The following DDI2 variants were observed in gnomAD, a reference collection of about 807,000 sequenced individuals.
DDI2 encodes protein DDI1 homolog 2.
A neutral mutation model predicts 48.1 loss-of-function variants in DDI2; 5 were observed. The ratio of observed to expected loss-of-function variants is 0.10; its 90% CI spans 0.05 to 0.22. The LOEUF (loss-of-function observed/expected upper bound fraction) is 0.22, where lower values mean the gene tolerates loss of function less well. Among genes scored for constraint, DDI2 ranks in the 10% least tolerant of loss-of-function variants. DDI2 has a pLI of 1.00. For missense variants in DDI2, 285 were observed against 506.2 expected (o/e 0.56, Z 4.19); for synonymous variants, 205 against 183.6 (o/e 1.12, Z -0.94).
intron 1 of DDI2, among the ~76,000 whole-genome samples, chr1:15,622,247 C>T (rs1464718270): frequency 6.9e-6 from 1 of 144,952 alleles, no homozygotes; most frequent in Non-Finnish European, 1.5e-5. Flanking sequence ...TAGGCTTGAA[C>T]TCCTAACCTC....
chr1:15,656,195 G>A (rs1640271564), intron 8 of DDI2, among the ~76,000 whole-genome samples: 1 of 152,094 alleles, frequency 6.6e-6, no homozygotes, highest in Non-Finnish European at 1.5e-5. Flanking sequence ...ATTTAATTAA[G>A]TGGTTTGTTT....
intron 4 of DDI2, among the ~76,000 whole-genome samples, chr1:15,635,440 CTG>C (rs1639912921): frequency 6.6e-6 from 1 of 152,172 alleles, no homozygotes; most frequent in Non-Finnish European, 1.5e-5. Context: ...GAGTCTTGCT[CTG>C]TCGCCCAGGC....
Position 15,626,654 on chromosome 1 carries a change from C to T in DDI2, c.139-15C>T. 1 of 1,614,140 alleles carries T rather than the reference C, an allele frequency of 6.2e-7. No homozygotes were observed. Among genetic ancestry groups the T allele is most frequent in the Non-Finnish European group, 8.5e-7 (1 of 1,180,002 alleles). On this transcript the variant is annotated splice_polypyrimidine_tract_variant and intron_variant, in intron 1 of 9. Coordinates refer to ENST00000480945, the MANE Select transcript of DDI2 (RefSeq NM_032341.5). The stretch of plus-strand genomic sequence containing the variant: ...CTCAGTGCTTTATACTGTTGTATAT[C>T]TTTTCTTGTTGTAGATCGTCTATGC...
At chr1:15,630,930 G>A (rs1403987493) in intron 3 of DDI2, among the ~76,000 whole-genome samples, 2 of 152,120 alleles carry the variant, frequency 1.3e-5, no homozygotes, top group African/African-American at 4.8e-5. Context: ...TGCCAGCTCC[G>A]CCTCCCGGGT....
In DDI2 at chr1:15,620,795, G is replaced by A. The variant is rs78841288; in HGVS notation, c.138+2987G>A. 7.7e-3 allele frequency among the ~76,000 whole-genome samples: 1,175 copies of A among 152,230 alleles called. 77 individuals carry two copies. The East Asian group carries it at 0.15, about 19-fold the overall frequency. On this transcript the variant is annotated intron_variant, in intron 1 of 9. Coordinates refer to ENST00000480945, the MANE Select transcript of DDI2 (RefSeq NM_032341.5). ...TATATGCATATATAATATGTTATCT[G>A]TAAAGTAACATTGTACACACACAAA...
At chr1:15,659,815 C>T (rs1211243239) in intron 9 of DDI2, 22 bp from the exon 10 acceptor site, 3 of 1,486,222 alleles carry the variant, frequency 2.0e-6, no homozygotes. Context: ...AATCTTTTTC[C>T]TTTCCCCTGT....
chr1:15,620,774 T>G (rs557324379), intron 1 of DDI2, among the ~76,000 whole-genome samples: 1 of 152,310 alleles, frequency 6.6e-6, no homozygotes, highest in Non-Finnish European at 1.5e-5. Flanking sequence ...GTGCATTATA[T>G]GCATATATAA....
chr1:15,650,584 C>A (rs1640162516), intron 7 of DDI2, among the ~76,000 whole-genome samples: 1 of 152,022 alleles, frequency 6.6e-6, no homozygotes, highest in South Asian at 2.1e-4. Context: ...CCTGTCTCTA[C>A]AAAAAGTACA....
chr1:15,661,614 T>C lies in DDI2; in HGVS notation c.*1824T>C, dbSNP rs1340604166. On this transcript the variant is annotated 3_prime_UTR_variant, in exon 10 of 10. Transcript: ENST00000480945. ...CCACAGATATTGACCGCATTCTCCGTGCTGGCTTTACTTTGCAGGAAGCTC... is the reference window on the plus strand; with the variant it reads ...CCACAGATATTGACCGCATTCTCCGCGCTGGCTTTACTTTGCAGGAAGCTC... The C allele has an allele frequency of 6.2e-7, 1 of 1,614,168 alleles. No homozygotes were observed. Among genetic ancestry groups the C allele is most frequent in the Admixed American group, 1.7e-5 (1 of 60,022 alleles).
chr1:15,649,669 C>T (rs1377889723), intron 6 of DDI2, 51 bp from the exon 7 acceptor site: 1 of 1,568,452 alleles, frequency 6.4e-7, no homozygotes, highest in South Asian at 1.2e-5. Context: ...GAAACTCCGT[C>T]TCTGTTTTGA....
chr1:15,622,471 A>G (rs1639681133), intron 1 of DDI2, among the ~76,000 whole-genome samples: 3 of 152,204 alleles, frequency 2.0e-5, no homozygotes, highest in Admixed American at 2.0e-4. Flanking sequence ...GTTGATTAAG[A>G]TTATAATTCA....
intron 4 of DDI2, among the ~76,000 whole-genome samples, chr1:15,636,648 T>C (rs1639934788): frequency 6.6e-6 from 1 of 152,188 alleles, no homozygotes; most frequent in Non-Finnish European, 1.5e-5. Context: ...ATTATAGTGA[T>C]AGGGTCTCAC....
rs182786444 is a variant in DDI2 at position 15,643,438 on chromosome 1, T to G, written c.761-84T>G. On this transcript the variant is annotated intron_variant, in intron 5 of 9. Transcript: ENST00000480945. ...GCCTTGGGGTGTGCTTGGTTTTCGC[T>G]TTGTTATTATTTAGTGCTATATTTT... 3.6e-5 allele frequency: 55 copies of G among 1,544,854 alleles called. No homozygotes were observed. In the East Asian group the frequency reaches 7.9e-4, roughly 22 times the overall value.
At chr1:15,623,219 C>T (rs1235800636) in intron 1 of DDI2, among the ~76,000 whole-genome samples, 2 of 151,972 alleles carry the variant, frequency 1.3e-5, no homozygotes, top group Admixed American at 1.3e-4. Flanking sequence ...TTTTGATCCT[C>T]TTAGTGGATA....
intron 4 of DDI2, chr1:15,633,775 G>T (rs1451295920): frequency 1.5e-6 from 1 of 660,656 alleles, no homozygotes; most frequent in Non-Finnish European, 2.6e-6. Flanking sequence ...TTAGTTTAAT[G>T]ACTTTCTTTC....
At chr1:15,653,707 G>C (rs1640228702) in intron 8 of DDI2, among the ~76,000 whole-genome samples, 2 of 151,994 alleles carry the variant, frequency 1.3e-5, no homozygotes, top group Admixed American at 1.3e-4. Flanking sequence ...ATGTTGCCCA[G>C]GCTGGTCTTG....
intron 1 of DDI2, among the ~76,000 whole-genome samples, 160 bp downstream of exon 1, chr1:15,617,968 G>C (rs994868193): frequency 1.3e-5 from 2 of 152,230 alleles, no homozygotes; most frequent in African/African-American, 4.8e-5. Flanking sequence ...TGGGGAGCTG[G>C]CATCAGTAGC....
intron 6 of DDI2, among the ~76,000 whole-genome samples, chr1:15,647,311 G>A (rs140620165): frequency 1.1e-4 from 17 of 151,548 alleles, no homozygotes; most frequent in African/African-American, 3.9e-4. Flanking sequence ...CCACACCCGG[G>A]TAATTTTTGG....
chr1:15,653,268 A>G (rs1570989177), intron 8 of DDI2, among the ~76,000 whole-genome samples: 1 of 141,340 alleles, frequency 7.1e-6, no homozygotes, highest in East Asian at 1.9e-4. Flanking sequence ...ATTTTATTTT[A>G]TTTATTTTAT....
Sources: allele counts gnomAD v4.1 joint callset (sites outside exome capture counted in the v4.1 genomes callset), GRCh38; gene constraint gnomAD v4.1.1; transcripts MANE v1.5; gene names NCBI Gene and HGNC (gene_info 2026-07-23, HGNC 2026-07-21).